Variants in PLXNA4 observed in about 807,000 individuals in gnomAD.
PLXNA4 encodes the protein plexin-A4.
Under a neutral mutation model 191.8 loss-of-function variants are expected in PLXNA4, and 44 were observed. The observed-to-expected ratio is 0.23, with a 90% CI of 0.18 to 0.29. PLXNA4 has a LOEUF of 0.29. Among genes scored for constraint, PLXNA4 ranks in the 10% least tolerant of loss-of-function variants. PLXNA4 has a pLI of 1.00. For missense variants in PLXNA4, 1,800 were observed against 2,488.8 expected, an observed-to-expected ratio of 0.72 and a Z score of 5.89; for synonymous variants, 1,082 against 1,009.5, an observed-to-expected ratio of 1.07 and a Z score of -1.36.
chr7:132,173,151 G>C (rs2116689925), intron 21 of PLXNA4, among the ~76,000 whole-genome samples: 1 of 152,196 alleles, frequency 6.6e-6, no homozygotes, highest in Non-Finnish European at 1.5e-5. Flanking sequence ...TGTCCCTCTT[G>C]TGTCTCACTT....
At chr7:132,543,115 G>T (rs529690636) in intron 1 of PLXNA4, among the ~76,000 whole-genome samples, 1 of 152,304 alleles carries the variant, frequency 6.6e-6, no homozygotes, top group East Asian at 1.9e-4. Flanking sequence ...ACTAGGATAA[G>T]GTATCTTCCT....
At chr7:132,315,089 AC>A (rs1367955963) in intron 3 of PLXNA4, among the ~76,000 whole-genome samples, 1 of 152,188 alleles carries the variant, frequency 6.6e-6, no homozygotes, top group Non-Finnish European at 1.5e-5. Context: ...TTCTTCCTTG[AC>A]TTTTCCATTT....
In PLXNA4 at chr7:132,571,546, C is replaced by T. The variant is rs1246524207; in HGVS notation, c.-87+4876G>A. Among the ~76,000 whole-genome samples, 3 of 152,154 alleles carry T rather than the reference C, an allele frequency of 2.0e-5. No individual in the cohort carries two copies. The East Asian group carries it at 5.8e-4, about 29-fold the overall frequency. Reference sequence around the variant, plus strand: ...TGAATGAACAAGTGTCAAGTACCTACCGTGAGTGGTGTAATGGTAAGAATC... The same window carrying T: ...TGAATGAACAAGTGTCAAGTACCTATCGTGAGTGGTGTAATGGTAAGAATC... On this transcript the variant is annotated intron_variant, in intron 1 of 31. Coordinates refer to ENST00000321063, the MANE Select transcript of PLXNA4 (RefSeq NM_020911.2).
intron 2 of PLXNA4, 66 bp from the exon 3 acceptor site, chr7:132,489,540 A>C (rs1170816329): frequency 1.5e-6 from 2 of 1,336,440 alleles, no homozygotes; most frequent in Non-Finnish European, 2.0e-6. Flanking sequence ...ATATTAAGTC[A>C]GGAAACTATG....
At chr7:132,492,036 G>C (rs1013607835) in intron 2 of PLXNA4, among the ~76,000 whole-genome samples, 1 of 152,168 alleles carries the variant, frequency 6.6e-6, no homozygotes, top group Non-Finnish European at 1.5e-5. Context: ...CAAGGAGTTC[G>C]CATCCCCAAA....
rs749888915 is a variant in PLXNA4 at position 132,165,097 on chromosome 7, G to C, written c.4353+37C>G. 3 of 1,603,150 alleles carry C rather than the reference G, an allele frequency of 1.9e-6. No individual in the cohort carries two copies. The East Asian group carries it at 6.7e-5, about 36-fold the overall frequency. ...CCCAGTCAGGCTGCAGAGAATGAAC[G>C]AGGCAAGGCCAGAAATACGTCCACA... On this transcript the variant is annotated intron_variant, in intron 23 of 31. Transcript: ENST00000321063.
chr7:132,219,136 T>C (rs1798061810), intron 9 of PLXNA4, among the ~76,000 whole-genome samples: 1 of 152,146 alleles, frequency 6.6e-6, no homozygotes, highest in Admixed American at 6.5e-5. Flanking sequence ...CTGCATCCCC[T>C]CACTCAAAGG....
intron 1 of PLXNA4, among the ~76,000 whole-genome samples, chr7:132,572,871 T>C (rs1335448582): frequency 6.6e-6 from 1 of 152,246 alleles, no homozygotes; most frequent in Non-Finnish European, 1.5e-5. Flanking sequence ...ATAGAGCCTA[T>C]AGGCCAATTA....
Position 132,228,153 on chromosome 7 carries a change from C to T in PLXNA4, c.1728+193G>A, listed in dbSNP as rs143132735. Among the ~76,000 whole-genome samples, 12 of 152,240 alleles carry T rather than the reference C, an allele frequency of 7.9e-5. No homozygotes were observed. The East Asian group carries it at 2.3e-3, about 29-fold the overall frequency. On this transcript the variant is annotated intron_variant, in intron 6 of 31. Coordinates refer to ENST00000321063, the MANE Select transcript of PLXNA4 (RefSeq NM_020911.2). Reference sequence around the variant, plus strand: ...TGAATAGAGCCTCTTCCCCAATAGTCCTGTCCCTGTCTCCTTCTTGCATCC... The same window carrying T: ...TGAATAGAGCCTCTTCCCCAATAGTTCTGTCCCTGTCTCCTTCTTGCATCC...
intron 3 of PLXNA4, among the ~76,000 whole-genome samples, chr7:132,318,878 C>A (rs574814678): frequency 1.3e-5 from 2 of 152,128 alleles, no homozygotes; most frequent in South Asian, 2.1e-4. Flanking sequence ...TGGTCTTTAA[C>A]AAGTGTGGAC....
intron 3 of PLXNA4, among the ~76,000 whole-genome samples, chr7:132,319,816 G>GTA (rs150902636): frequency 0.02 from 3,032 of 152,330 alleles, 124 homozygotes; most frequent in African/African-American, 0.07. Context: ...ATGGGGCTTT[G>GTA]CTGGAGCCGT....
intron 9 of PLXNA4, 85 bp from the exon 10 acceptor site, chr7:132,211,228 T>C (rs1797791143): frequency 2.1e-6 from 3 of 1,403,254 alleles, no homozygotes; most frequent in East Asian, 2.5e-5. Context: ...GGATGTTCCC[T>C]GTCTCCACCC....
At chr7:132,292,555 G>A (rs575354915) in intron 4 of PLXNA4, among the ~76,000 whole-genome samples, 6 of 152,298 alleles carry the variant, frequency 3.9e-5, no homozygotes, top group East Asian at 3.9e-4. Flanking sequence ...CAAAATCAGA[G>A]TGCTCTCAAA....
intron 1 of PLXNA4, among the ~76,000 whole-genome samples, chr7:132,524,147 G>C (rs1799305352): frequency 6.6e-6 from 1 of 152,252 alleles, no homozygotes; most frequent in African/African-American, 2.4e-5. Context: ...AAGCCCCATA[G>C]AGATGGGGGC....
At chr7:132,334,280 T>C (rs118100741) in intron 3 of PLXNA4, among the ~76,000 whole-genome samples, 12,957 of 129,720 alleles carry the variant, frequency 0.1, 872 homozygotes, top group Admixed American at 0.19. Context: ...TTTTTTGAGA[T>C]AGGGTCTCAC....
intron 4 of PLXNA4, among the ~76,000 whole-genome samples, chr7:132,245,494 G>A (rs967603418): frequency 1.3e-5 from 2 of 152,200 alleles, no homozygotes; most frequent in African/African-American, 4.8e-5. Flanking sequence ...ACATCGTCCT[G>A]GCTTTGTGCA....
chr7:132,156,085 G>A (rs779665321), intron 25 of PLXNA4, among the ~76,000 whole-genome samples: 16 of 146,338 alleles, frequency 1.1e-4, no homozygotes, highest in African/African-American at 3.3e-4. Flanking sequence ...CTCCATAATC[G>A]TATGACCACT....
At chr7:132,358,794 C>A (rs936201670) in intron 3 of PLXNA4, among the ~76,000 whole-genome samples, 2 of 152,110 alleles carry the variant, frequency 1.3e-5, no homozygotes, top group African/African-American at 4.8e-5. Context: ...TCACTGGGCA[C>A]AATCTCATAG....
chr7:132,178,435 C>A (rs1386108707), intron 20 of PLXNA4, among the ~76,000 whole-genome samples: 3 of 152,130 alleles, frequency 2.0e-5, no homozygotes, highest in African/African-American at 7.2e-5. Context: ...TGCAGCTTTC[C>A]TTTAAGTCAC....
Sources: allele counts gnomAD v4.1 joint callset (sites outside exome capture counted in the v4.1 genomes callset), GRCh38; gene constraint gnomAD v4.1.1; transcripts MANE v1.5; gene names NCBI Gene and HGNC (gene_info 2026-07-23, HGNC 2026-07-21).